Variants in CD82 observed in about 807,000 individuals in gnomAD.
The protein encoded by CD82 is CD82 antigen.
CD82 carries 36 observed loss-of-function variants against 37.4 expected under a neutral mutation model. That is an observed-to-expected ratio of 0.96 (90% confidence interval 0.74 to 1.27). The LOEUF (loss-of-function observed/expected upper bound fraction) is 1.27, where lower values mean the gene tolerates loss of function less well. Ranked by LOEUF, CD82 falls within the 50% of genes most tolerant of loss-of-function variation. The probability of loss-of-function intolerance (pLI) is 0.00; values close to 1 mark genes in which losing one functional copy is unlikely to be tolerated. For synonymous variants in CD82, 158 were observed against 137.4 expected (o/e 1.15, Z -1.05); for missense variants, 340 against 347.0 (o/e 0.98, Z 0.16).
upstream of CD82, among the ~76,000 whole-genome samples, chr11:44,565,156 A>G (rs940613598): frequency 2.0e-5 from 3 of 150,924 alleles, no homozygotes; most frequent in East Asian, 5.9e-4. Context: ...GCCCGAGATG[A>G]GAGGGGCAGG....
chr11:44,590,027 G>A (rs1455024268), intron 2 of CD82, among the ~76,000 whole-genome samples: 2 of 151,846 alleles, frequency 1.3e-5, no homozygotes, highest in Non-Finnish European at 2.9e-5. Context: ...TAGAGACAGG[G>A]TTTCACCGTA....
At chr11:44,603,511 A>G (rs975421395) in intron 4 of CD82, among the ~76,000 whole-genome samples, 1 of 152,122 alleles carries the variant, frequency 6.6e-6, no homozygotes, top group Non-Finnish European at 1.5e-5. Flanking sequence ...GAGCAGATTA[A>G]AAACGCAGGT....
chr11:44,600,606 G>C (rs1853293797), intron 4 of CD82, among the ~76,000 whole-genome samples: 1 of 152,198 alleles, frequency 6.6e-6, no homozygotes, highest in African/African-American at 2.4e-5. Context: ...CAGGGATGTA[G>C]GAAAGATAGT....
At chr11:44,616,273 G>T (rs565014718) in intron 7 of CD82, among the ~76,000 whole-genome samples, 1 of 152,290 alleles carries the variant, frequency 6.6e-6, no homozygotes, top group East Asian at 1.9e-4. Flanking sequence ...AGGGGAGAGC[G>T]ATGTTTTCTG....
intron 1 of CD82, among the ~76,000 whole-genome samples, chr11:44,586,941 G>A (rs763771715): frequency 7.9e-5 from 12 of 152,190 alleles, no homozygotes; most frequent in African/African-American, 2.9e-4. Context: ...TTCTAGTGGC[G>A]GATGCAGATA....
At chr11:44,611,892 A>G (rs1312531002) in intron 6 of CD82, among the ~76,000 whole-genome samples, 1 of 152,114 alleles carries the variant, frequency 6.6e-6, no homozygotes, top group Non-Finnish European at 1.5e-5. Flanking sequence ...TCACCTTCTC[A>G]TTTCAGGGAG....
At chr11:44,593,911 G>A (rs1156256318) in intron 2 of CD82, among the ~76,000 whole-genome samples, 2 of 152,010 alleles carry the variant, frequency 1.3e-5, no homozygotes, top group African/African-American at 2.4e-5. Context: ...TCAACATATA[G>A]AGAGTGAAGA....
In CD82 at chr11:44,619,041, C is replaced by T. The variant is rs747008804; in HGVS notation, c.727-8C>T. 7 of 1,613,306 alleles carry T rather than the reference C, an allele frequency of 4.3e-6. No homozygotes were observed. In the South Asian group the frequency reaches 4.4e-5, roughly 10 times the overall value. On this transcript the variant is annotated splice_polypyrimidine_tract_variant and splice_region_variant and intron_variant, in intron 9 of 9. Coordinates refer to ENST00000227155, the MANE Select transcript of CD82 (RefSeq NM_002231.4). Reference sequence around the variant, plus strand: ...AGCCTCCCTCTGACTCTCCGCCTCTCCCCACAGCTCCTGGGGATGGTCCTG... The same window carrying T: ...AGCCTCCCTCTGACTCTCCGCCTCTTCCCACAGCTCCTGGGGATGGTCCTG...
chr11:44,581,968 C>G (rs961292544), intron 1 of CD82, among the ~76,000 whole-genome samples: 1 of 152,248 alleles, frequency 6.6e-6, no homozygotes, highest in Non-Finnish European at 1.5e-5. Flanking sequence ...TCTGATTTCA[C>G]AGTCCTGGGA....
chr11:44,615,215 A>G lies in CD82; in HGVS notation c.337-57A>G, dbSNP rs1376288318. 9 of 1,168,352 alleles carry G rather than the reference A, an allele frequency of 7.7e-6. No homozygotes were observed. In the Admixed American group the frequency reaches 1.5e-4, roughly 20 times the overall value. The allele number at this position is 1,168,352 out of a possible 1,614,324, so 72.4% of individuals were successfully genotyped here. On this transcript the variant is annotated intron_variant, in intron 6 of 9. Coordinates refer to ENST00000227155, the MANE Select transcript of CD82 (RefSeq NM_002231.4). Reference sequence around the variant, plus strand: ...GGAGGCAGTTTAAGTAGGGGTGACCACAGGTGGGCACGGGTTTCAGGAAAT... The same window carrying G: ...GGAGGCAGTTTAAGTAGGGGTGACCGCAGGTGGGCACGGGTTTCAGGAAAT...
intron 2 of CD82, 131 bp from the exon 3 acceptor site, chr11:44,594,512 C>A: frequency 3.1e-6 from 2 of 646,956 alleles, no homozygotes; most frequent in South Asian, 3.5e-5. Flanking sequence ...TGGCTTTGGG[C>A]TAGTTGTCTA....
Position 44,619,189 on chromosome 11 carries a change from G to GGGA in CD82, c.*64_*65insGAG. On this transcript the variant is annotated 3_prime_UTR_variant, in exon 10 of 10. Coordinates refer to ENST00000227155, the MANE Select transcript of CD82 (RefSeq NM_002231.4). ...CCTCAGGGCTCCCAGGGGTCTCCCT[G>GGGA]GCTCCCTCCTCCAGGCCTGCCTCCC... The GGGA allele has an allele frequency of 1.5e-6, 2 of 1,330,328 alleles. No individual in the cohort carries two copies. The highest frequency in any genetic ancestry group is 2.2e-6 in the Non-Finnish European group (2 of 921,462). 82.4% of individuals were successfully genotyped at this position (1,330,328 alleles called of 1,614,324 possible).
intron 4 of CD82, among the ~76,000 whole-genome samples, chr11:44,602,543 A>T (rs1428371912): frequency 6.6e-6 from 1 of 152,216 alleles, no homozygotes; most frequent in Non-Finnish European, 1.5e-5. Context: ...AGAAATAGTA[A>T]ATGGCTTGCC....
At chr11:44,580,647 A>T (rs147015309) in intron 1 of CD82, among the ~76,000 whole-genome samples, 18 of 152,330 alleles carry the variant, frequency 1.2e-4, no homozygotes, top group African/African-American at 4.3e-4. Context: ...CCGGAGGCAG[A>T]GGTTGCAGTG....
intron 6 of CD82, among the ~76,000 whole-genome samples, chr11:44,613,289 G>A (rs1853512971): frequency 6.6e-6 from 1 of 152,242 alleles, no homozygotes; most frequent in South Asian, 2.1e-4. Context: ...GTGGAGCCAG[G>A]CAGGGGCTGG....
chr11:44,590,791 C>T (rs1448707064), intron 2 of CD82, among the ~76,000 whole-genome samples: 2 of 151,834 alleles, frequency 1.3e-5, no homozygotes, highest in East Asian at 4.0e-4. Context: ...AGGGCAGAGC[C>T]GGGCATAACC....
intron 4 of CD82, 197 bp from the exon 5 acceptor site, chr11:44,604,861 C>T (rs555954157): frequency 6.3e-4 from 422 of 669,458 alleles, no homozygotes; most frequent in Non-Finnish European, 7.2e-4. Flanking sequence ...GTGTGGATTG[C>T]AATTTTACTG....
intron 1 of CD82, among the ~76,000 whole-genome samples, chr11:44,574,280 C>CAT: frequency 6.6e-6 from 1 of 152,134 alleles, no homozygotes; most frequent in Non-Finnish European, 1.5e-5. Flanking sequence ...CAGTCTGATC[C>CAT]CATGGACCAC....
intron 4 of CD82, among the ~76,000 whole-genome samples, chr11:44,603,227 C>A (rs1590343644): frequency 1.3e-5 from 2 of 152,266 alleles, no homozygotes; most frequent in East Asian, 1.9e-4. Context: ...CTGTGAGGAA[C>A]TGGGTGGAGG....
Sources: gnomAD v4.1 joint callset for allele counts (sites outside exome capture counted in the v4.1 genomes callset) on GRCh38, gnomAD v4.1.1 for gene constraint, MANE v1.5 for transcripts, NCBI Gene and HGNC (gene_info 2026-07-23, HGNC 2026-07-21) for gene names.